The following ZDHHC3 variants were observed in gnomAD, a reference collection of about 807,000 sequenced individuals.
The protein encoded by ZDHHC3 is palmitoyltransferase ZDHHC3.
ZDHHC3 carries 9 observed loss-of-function variants against 30.6 expected under a neutral mutation model. The observed-to-expected ratio is 0.29, with a 90% CI of 0.18 to 0.51. ZDHHC3 has a LOEUF of 0.51. ZDHHC3 is among the 20% of genes least tolerant of loss of function. ZDHHC3 has a pLI of 0.97. For missense variants in ZDHHC3, 246 were observed against 384.2 expected, an observed-to-expected ratio of 0.64 and a Z score of 3.01; for synonymous variants, 136 against 140.2, an observed-to-expected ratio of 0.97 and a Z score of 0.21.
Position 44,923,640 on chromosome 3 carries a change from A to G in ZDHHC3, c.*3049T>C. The G allele has an allele frequency of 1.2e-6, 1 of 843,234 alleles. No homozygotes were observed. Among genetic ancestry groups the G allele is most frequent in the Non-Finnish European group, 1.4e-6 (1 of 700,586 alleles). 52.2% of individuals were successfully genotyped at this position (843,234 alleles called of 1,614,324 possible). A position where few individuals can be genotyped will look rare whatever the true frequency, so the allele number is the denominator to read the frequency against. On this transcript the variant is annotated 3_prime_UTR_variant, in exon 7 of 7. Transcript: ENST00000424952. ...AACACAGTGAGACCCTGACTCTATT[A>G]AAAAACAAAAAAATTAGCCAGGCAT...
chr3:44,920,088 C>A lies in ZDHHC3; in HGVS notation c.*6601G>T, dbSNP rs1274192124. ...GATTTGTATTTATTTCTGTAGACTT[C>A]TCACACAATCCAAGTTTTACCAATG... is the stretch of plus-strand genomic sequence containing the variant. On this transcript the variant is annotated 3_prime_UTR_variant, in exon 7 of 7. Transcript: ENST00000424952. 1 of 1,202,356 alleles carries A rather than the reference C, an allele frequency of 8.3e-7. No individual in the cohort carries two copies. The highest frequency in any genetic ancestry group is 1.1e-6 in the Non-Finnish European group (1 of 943,760). 74.5% of individuals were successfully genotyped at this position (1,202,356 alleles called of 1,614,324 possible).
chr3:44,952,109 C>T (rs1703510281), intron 2 of ZDHHC3, among the ~76,000 whole-genome samples: 1 of 152,200 alleles, frequency 6.6e-6, no homozygotes, highest in African/African-American at 2.4e-5. Context: ...AGGCACTGTG[C>T]ACAGCTAAAA....
chr3:44,926,512 A>C lies in ZDHHC3; in HGVS notation c.*177T>G, dbSNP rs1241695148. On this transcript the variant is annotated 3_prime_UTR_variant, in exon 7 of 7. Transcript: ENST00000424952. ...GAAATCGAAAGGATGGTTTTTAAAA[A>C]ATAAAATGTGGGGACTTTTTTTTTT... 2 of 1,282,444 alleles carry C rather than the reference A, an allele frequency of 1.6e-6. No individual in the cohort carries two copies. Among genetic ancestry groups the C allele is most frequent in the Non-Finnish European group, 2.0e-6 (2 of 1,015,388 alleles). The allele number at this position is 1,282,444 out of a possible 1,614,324, so 79.4% of individuals were successfully genotyped here.
Position 44,920,651 on chromosome 3 carries a change from C to T in ZDHHC3, c.*6038G>A. The T allele has an allele frequency of 2.0e-6, 2 of 985,398 alleles. No homozygotes were observed. The highest frequency in any genetic ancestry group is 9.4e-5 in the South Asian group (2 of 21,280). 61.0% of individuals were successfully genotyped at this position (985,398 alleles called of 1,614,324 possible). ...TCTGCCCAACAGGTTTCCAGTTCTA[C>T]TGCAAATCACCACTGTGCCCAGGCT... is the stretch of plus-strand genomic sequence containing the variant. On this transcript the variant is annotated 3_prime_UTR_variant, in exon 7 of 7. Coordinates refer to ENST00000424952, the MANE Select transcript of ZDHHC3 (RefSeq NM_001135179.2).
chr3:44,920,529 T>G lies in ZDHHC3; in HGVS notation c.*6160A>C, dbSNP rs1357751688. The G allele has an allele frequency of 3.0e-6, 3 of 985,192 alleles. No homozygotes were observed. In the African/African-American group the frequency reaches 5.2e-5, roughly 17 times the overall value. 61.0% of individuals were successfully genotyped at this position (985,192 alleles called of 1,614,324 possible). ...GGTATGAGTATTGATGATTGGCAGATGGGGAAGAAACAGAAGTTCCAAGAG... is the reference window on the plus strand; with the variant it reads ...GGTATGAGTATTGATGATTGGCAGAGGGGGAAGAAACAGAAGTTCCAAGAG... On this transcript the variant is annotated 3_prime_UTR_variant, in exon 7 of 7. Coordinates refer to ENST00000424952, the MANE Select transcript of ZDHHC3 (RefSeq NM_001135179.2).
chr3:44,949,160 T>C (rs1575869954), intron 2 of ZDHHC3, among the ~76,000 whole-genome samples: 1 of 152,072 alleles, frequency 6.6e-6, no homozygotes, highest in East Asian at 1.9e-4. Flanking sequence ...GAAAAGCCTA[T>C]GACAGAAAGT....
chr3:44,930,745 T>A (rs1386757600), intron 5 of ZDHHC3, among the ~76,000 whole-genome samples: 1 of 152,228 alleles, frequency 6.6e-6, no homozygotes, highest in Non-Finnish European at 1.5e-5. Context: ...AACTTATCGA[T>A]GCCTCAGAAT....
chr3:44,919,757 G>T lies in ZDHHC3; in HGVS notation c.*6932C>A. The T allele has an allele frequency of 2.0e-6, 1 of 497,692 alleles. No individual in the cohort carries two copies. The highest frequency in any genetic ancestry group is 2.6e-6 in the Non-Finnish European group (1 of 384,378). 30.8% of individuals were successfully genotyped at this position (497,692 alleles called of 1,614,324 possible). On this transcript the variant is annotated 3_prime_UTR_variant, in exon 7 of 7. Coordinates refer to ENST00000424952, the MANE Select transcript of ZDHHC3 (RefSeq NM_001135179.2). ...TATTTGTATTATGGTTGTATAAAAT[G>T]TTTACCTTTGGTGAGACTGACTGAA...
chr3:44,964,041 T>C (rs1209341723), intron 1 of ZDHHC3, among the ~76,000 whole-genome samples: 3 of 152,202 alleles, frequency 2.0e-5, no homozygotes, highest in African/African-American at 7.2e-5. Flanking sequence ...TATTTGCTTT[T>C]TTTCCACCAA....
rs933582694 is a variant in ZDHHC3, at chr3:44,924,363, G to C, written c.*2326C>G. 1 of 985,430 alleles carries C rather than the reference G, an allele frequency of 1.0e-6. No individual in the cohort carries two copies. Among genetic ancestry groups the C allele is most frequent in the Non-Finnish European group, 1.2e-6 (1 of 829,930 alleles). 61.0% of individuals were successfully genotyped at this position (985,430 alleles called of 1,614,324 possible). A position where few individuals can be genotyped will look rare whatever the true frequency, so the allele number is the denominator to read the frequency against. On this transcript the variant is annotated 3_prime_UTR_variant, in exon 7 of 7. Transcript: ENST00000424952. ...TATCAGTCTGAACAAAAATGAAATA[G>C]GAAAAATGCCAGGAACCTTGGGGTA...
chr3:44,931,735 C>T (rs1025067627), intron 5 of ZDHHC3, among the ~76,000 whole-genome samples: 1 of 152,214 alleles, frequency 6.6e-6, no homozygotes, highest in African/African-American at 2.4e-5. Context: ...CCACTGGAGT[C>T]AACCAGACAG....
chr3:44,934,130 G>T, intron 3 of ZDHHC3, 146 bp from the exon 4 acceptor site: 1 of 767,898 alleles, frequency 1.3e-6, no homozygotes, highest in Non-Finnish European at 2.2e-6. Flanking sequence ...TGTGTGTCAC[G>T]TGGGGCTTGG....
chr3:44,976,159 G>T lies in ZDHHC3; in HGVS notation c.-251C>A. 2.3e-6 allele frequency: 2 copies of T among 873,672 alleles called. No individual in the cohort carries two copies. The highest frequency in any genetic ancestry group is 6.3e-5 in the South Asian group (2 of 31,658). 54.1% of individuals were successfully genotyped at this position (873,672 alleles called of 1,614,324 possible). ...TGGCGGCGGCCGCGGCTGCAGGAGC[G>T]GCCGCCGCGCAGGTTGATGACGCGC... is the stretch of plus-strand genomic sequence containing the variant. On this transcript the variant is annotated 5_prime_UTR_variant, in exon 1 of 7. Transcript: ENST00000424952.
chr3:44,955,191 C>A (rs1384069821), intron 2 of ZDHHC3, among the ~76,000 whole-genome samples: 1 of 152,200 alleles, frequency 6.6e-6, no homozygotes, highest in African/African-American at 2.4e-5. Flanking sequence ...GTCCTCCTCC[C>A]TCTGTTTAGA....
At chr3:44,928,716 C>T (rs1057021543) in intron 6 of ZDHHC3, among the ~76,000 whole-genome samples, 2 of 152,102 alleles carry the variant, frequency 1.3e-5, no homozygotes, top group South Asian at 2.1e-4. Flanking sequence ...AAGCTTCCAG[C>T]GAAGATGCTG....
Position 44,922,884 on chromosome 3 carries a change from T to A in ZDHHC3, c.*3805A>T. Reference sequence around the variant, plus strand: ...AGCAAAATCTTTCTCTTTTCACATTTCTTTGATATCTAAGGGCACCTTCTA... The same window carrying A: ...AGCAAAATCTTTCTCTTTTCACATTACTTTGATATCTAAGGGCACCTTCTA... On this transcript the variant is annotated 3_prime_UTR_variant, in exon 7 of 7. Transcript: ENST00000424952. 1.0e-6 allele frequency: 1 copy of A among 985,174 alleles called. No homozygotes were observed. Among genetic ancestry groups the A allele is most frequent in the Non-Finnish European group, 1.2e-6 (1 of 829,890 alleles). 61.0% of individuals were successfully genotyped at this position (985,174 alleles called of 1,614,324 possible).
At chr3:44,941,487 TGC>T (rs1702435846) in intron 3 of ZDHHC3, among the ~76,000 whole-genome samples, 1 of 152,128 alleles carries the variant, frequency 6.6e-6, no homozygotes, top group African/African-American at 2.4e-5. Context: ...ACAATACTAG[TGC>T]TACATAGATT....
Position 44,917,688 on chromosome 3 carries a change from C to T in ZDHHC3, c.*9001G>A, listed in dbSNP as rs1700277060. 2 of 420,434 alleles carry T rather than the reference C, an allele frequency of 4.8e-6. No individual in the cohort carries two copies. Among genetic ancestry groups the T allele is most frequent in the Admixed American group, 3.8e-5 (1 of 26,644 alleles). 26.0% of individuals were successfully genotyped at this position (420,434 alleles called of 1,614,324 possible). A position where few individuals can be genotyped will look rare whatever the true frequency, so the allele number is the denominator to read the frequency against. Reference sequence around the variant, plus strand: ...TGAACTCTGAGAAAGCCCCCATCCTCCTCTGATGTCCCCAGCCTACTCCCG... The same window carrying T: ...TGAACTCTGAGAAAGCCCCCATCCTTCTCTGATGTCCCCAGCCTACTCCCG... On this transcript the variant is annotated 3_prime_UTR_variant, in exon 7 of 7. Transcript: ENST00000424952.
At chr3:44,957,199 T>G (rs1423086521) in intron 2 of ZDHHC3, among the ~76,000 whole-genome samples, 1 of 152,164 alleles carries the variant, frequency 6.6e-6, no homozygotes, top group African/African-American at 2.4e-5. Context: ...CTGGTCACTT[T>G]GTCTTATTGT....
Sources: allele counts gnomAD v4.1 joint callset (sites outside exome capture counted in the v4.1 genomes callset), GRCh38; gene constraint gnomAD v4.1.1; transcripts MANE v1.5; gene names NCBI Gene and HGNC (gene_info 2026-07-23, HGNC 2026-07-21).